Variants in SSUH2 observed in about 807,000 individuals in gnomAD.
The protein encoded by SSUH2 is protein SSUH2 homolog.
In SSUH2, 47 loss-of-function variants were observed where a neutral mutation model predicts 55.3. That is an observed-to-expected ratio of 0.85 (90% CI 0.67 to 1.08). The LOEUF (loss-of-function observed/expected upper bound fraction) is 1.08, where lower values mean the gene tolerates loss of function less well. SSUH2 is among the 50% of genes least tolerant of loss of function. SSUH2 has a pLI of 0.00. For synonymous variants in SSUH2, 212 were observed against 191.5 expected (o/e 1.11, Z -0.89); for missense variants, 535 against 490.7 (o/e 1.09, Z -0.85).
intron 3 of SSUH2, 157 bp from the exon 4 acceptor site, chr3:8,633,952 G>C (rs200206634): frequency 6.8e-6 from 11 of 1,613,458 alleles, no homozygotes; most frequent in African/African-American, 1.3e-5. Flanking sequence ...CTGCAAAGGG[G>C]ACCATGTGAA....
At chr3:8,655,825 A>T (rs1702883225) in intron 7 of SSUH2, among the ~76,000 whole-genome samples, 2 of 152,052 alleles carry the variant, frequency 1.3e-5, no homozygotes, top group South Asian at 4.2e-4. Context: ...AGAGCAGAAG[A>T]CTCGGGAGGC....
At chr3:8,647,824 A>C (rs1266738806), upstream of SSUH2, among the ~76,000 whole-genome samples, 1 of 152,236 alleles carries the variant, frequency 6.6e-6, no homozygotes, top group African/African-American at 2.4e-5. Context: ...AGGGCCTGGC[A>C]GCCACAGATA....
chr3:8,640,348 A>G (rs1700622009), intron 1 of SSUH2, among the ~76,000 whole-genome samples: 1 of 152,240 alleles, frequency 6.6e-6, no homozygotes, highest in South Asian at 2.1e-4. Context: ...TGGTCACAGT[A>G]GTTCAAGTAC....
At chr3:8,669,997 T>A (rs1228092477) in intron 5 of SSUH2, among the ~76,000 whole-genome samples, 2 of 152,224 alleles carry the variant, frequency 1.3e-5, no homozygotes, top group Non-Finnish European at 2.9e-5. Context: ...CATTAATTTC[T>A]TGTTTTTGAT....
chr3:8,619,791 A>T lies in SSUH2; in HGVS notation c.*77T>A. On this transcript the variant is annotated 3_prime_UTR_variant, in exon 12 of 12. Transcript: ENST00000544814. Reference sequence around the variant, plus strand: ...TATGTGATTGTCCAATGCAGCCAACAGTGAACACACTCAGAGAGTGTCGGC... The same window carrying T: ...TATGTGATTGTCCAATGCAGCCAACTGTGAACACACTCAGAGAGTGTCGGC... 6.5e-7 allele frequency: 1 copy of T among 1,532,844 alleles called. No homozygotes were observed. 95.0% of individuals were successfully genotyped at this position (1,532,844 alleles called of 1,614,324 possible).
intron 3 of SSUH2, among the ~76,000 whole-genome samples, chr3:8,674,991 A>G (rs1402012877): frequency 2.0e-5 from 3 of 152,138 alleles, no homozygotes; most frequent in African/African-American, 7.2e-5. Context: ...TCAAGCACCT[A>G]ACAACTTTTG....
chr3:8,678,487 A>G (rs1434433884), intron 2 of SSUH2, among the ~76,000 whole-genome samples: 3 of 133,862 alleles, frequency 2.2e-5, no homozygotes, highest in Admixed American at 7.5e-5. Context: ...CCCCCATTGC[A>G]AGGGGGTGAG....
At chr3:8,643,641 T>G (rs889252818) in intron 1 of SSUH2, among the ~76,000 whole-genome samples, 2 of 152,168 alleles carry the variant, frequency 1.3e-5, no homozygotes, top group Admixed American at 6.5e-5. Flanking sequence ...ACTTAAAGCT[T>G]TAAGATATCA....
intron 5 of SSUH2, among the ~76,000 whole-genome samples, chr3:8,669,139 G>A (rs754944992): frequency 1.2e-4 from 18 of 152,226 alleles, no homozygotes; most frequent in Admixed American, 2.6e-4. Context: ...AATAAAAAGC[G>A]GTGGACAACA....
intron 3 of SSUH2, chr3:8,634,228 T>A: frequency 1.7e-6 from 1 of 578,098 alleles, no homozygotes; most frequent in Non-Finnish European, 2.8e-6. Flanking sequence ...AGCAACATGA[T>A]GGGAAGACCC....
intron 5 of SSUH2, among the ~76,000 whole-genome samples, chr3:8,664,674 G>A (rs1703819226): frequency 6.6e-6 from 1 of 152,166 alleles, no homozygotes; most frequent in Non-Finnish European, 1.5e-5. Flanking sequence ...TGGGTCTAAG[G>A]CCCAGATCCG....
intron 1 of SSUH2, among the ~76,000 whole-genome samples, chr3:8,680,931 A>AGC (rs879614577): frequency 6.6e-5 from 10 of 151,878 alleles, no homozygotes; most frequent in Non-Finnish European, 1.5e-4. Flanking sequence ...CTGGGTGAAC[A>AGC]CTGCCTGTGA....
intron 6 of SSUH2, among the ~76,000 whole-genome samples, chr3:8,659,212 A>T (rs4053806): frequency 1.5e-3 from 229 of 151,790 alleles, no homozygotes; most frequent in African/African-American, 5.1e-3. Context: ...CTTTTTTTTT[A>T]AAAGTAACAA....
chr3:8,640,363 T>TA (rs2125245300), intron 1 of SSUH2, among the ~76,000 whole-genome samples: 1 of 152,244 alleles, frequency 6.6e-6, no homozygotes, highest in Non-Finnish European at 1.5e-5. Flanking sequence ...AAGTACTTCC[T>TA]AGCAAGACCA....
rs539570958 is a variant in SSUH2 at position 8,678,493 on chromosome 3, G to A, written c.-900-1140C>T. 2.8e-4 allele frequency among the ~76,000 whole-genome samples: 39 copies of A among 137,450 alleles called. No individual in the cohort carries two copies. In the East Asian group the frequency reaches 7.0e-3, roughly 25 times the overall value. 90.2% of individuals were successfully genotyped at this position (137,450 alleles called of 152,430 possible). On this transcript the variant is annotated intron_variant, in intron 2 of 18. Coordinates refer to the SSUH2 transcript ENST00000317371. ...CTCTTAGGACCCCCATTGCAAGGGG[G>A]TGAGGCACCCCCCGCGAGGCGGGGA...
At chr3:8,648,934 C>T (rs1702055314), upstream of SSUH2, among the ~76,000 whole-genome samples, 1 of 152,102 alleles carries the variant, frequency 6.6e-6, no homozygotes, top group Admixed American at 6.5e-5. Context: ...GAGTGCTGGG[C>T]TGCCCTCCCA....
intron 1 of SSUH2, chr3:8,640,040 C>T (rs1398986527): frequency 4.1e-6 from 4 of 980,512 alleles, no homozygotes; most frequent in Non-Finnish European, 4.8e-6. Flanking sequence ...CAAACTCACA[C>T]ACACAAAGTA....
At chr3:8,653,591 G>T (rs1702648046) in intron 7 of SSUH2, among the ~76,000 whole-genome samples, 1 of 152,118 alleles carries the variant, frequency 6.6e-6, no homozygotes, top group African/African-American at 2.4e-5. Flanking sequence ...TTTACATTTA[G>T]CACACAATCC....
rs768394604 is a variant in SSUH2 at position 8,632,048 on chromosome 3, C to G, written c.400+1G>C. ...AAACTAATTTCAGACAATTCACTTA[C>G]TAGTAAAGGGTTGAAATGTCCACTC... is the stretch of plus-strand genomic sequence containing the variant. On this transcript the variant is annotated splice_donor_variant, in intron 5 of 11. Coordinates refer to ENST00000544814, the MANE Select transcript of SSUH2 (RefSeq NM_001256748.3). LOFTEE classifies it high-confidence loss of function. 6.2e-7 allele frequency: 1 copy of G among 1,612,814 alleles called. No homozygotes were observed. Among genetic ancestry groups the G allele is most frequent in the East Asian group, 2.2e-5 (1 of 44,846 alleles).
Sources: allele counts gnomAD v4.1 joint callset (sites outside exome capture counted in the v4.1 genomes callset), GRCh38; gene constraint gnomAD v4.1.1; transcripts MANE v1.5; gene names NCBI Gene and HGNC (gene_info 2026-07-23, HGNC 2026-07-21).